The following VRK2 variants were observed in gnomAD, a reference collection of about 807,000 sequenced individuals.
The protein encoded by VRK2 is VRK serine/threonine kinase 2, also known as serine/threonine-protein kinase VRK2.
Under a neutral mutation model 57.6 loss-of-function variants are expected in VRK2, and 60 were observed. The observed-to-expected ratio is 1.04, with a 90% CI of 0.85 to 1.29. The LOEUF is 1.29. Ranked by LOEUF, VRK2 falls within the 50% of genes most tolerant of loss-of-function variation. The probability of loss-of-function intolerance (pLI) is 0.00; values close to 1 mark genes in which losing one functional copy is unlikely to be tolerated. For synonymous variants in VRK2, 231 were observed against 199.2 expected (o/e 1.16, Z -1.35); for missense variants, 705 against 588.1 (o/e 1.20, Z -2.06).
At chr2:58,112,511 A>T (rs990723775) in intron 7 of VRK2, among the ~76,000 whole-genome samples, 1 of 151,834 alleles carries the variant, frequency 6.6e-6, no homozygotes, top group Non-Finnish European at 1.5e-5. Flanking sequence ...GTAGGGGTGG[A>T]TAGAAAACTT....
chr2:58,107,533 T>C (rs1674935179), intron 7 of VRK2, among the ~76,000 whole-genome samples: 1 of 152,312 alleles, frequency 6.6e-6, no homozygotes. Context: ...TATGAGACTT[T>C]AATGGACACA....
At chr2:58,046,607 C>A (rs1373595575), upstream of VRK2, 1 of 985,610 alleles carries the variant, frequency 1.0e-6, no homozygotes, top group Non-Finnish European at 1.2e-6. Flanking sequence ...CCCCATGTAG[C>A]CGCGCCCTCT....
intron 1 of VRK2, among the ~76,000 whole-genome samples, chr2:57,975,589 C>T (rs745742038): frequency 4.6e-5 from 7 of 151,854 alleles, no homozygotes; most frequent in Admixed American, 2.0e-4. Flanking sequence ...CTACTGATCC[C>T]GTCACCCAGA....
At chr2:57,932,944 G>A (rs1477716666) in intron 1 of VRK2, among the ~76,000 whole-genome samples, 1 of 151,942 alleles carries the variant, frequency 6.6e-6, no homozygotes, top group Admixed American at 6.6e-5. Context: ...TTGTTTTCGG[G>A]AGCATGTTGT....
intron 7 of VRK2, among the ~76,000 whole-genome samples, chr2:58,119,371 T>G (rs1677058440): frequency 1.4e-5 from 2 of 143,416 alleles, no homozygotes; most frequent in Non-Finnish European, 1.5e-5. Flanking sequence ...TAGCCAGGCA[T>G]GGGGCTGAGG....
At chr2:58,136,550 A>G (rs1412780411) in intron 10 of VRK2, among the ~76,000 whole-genome samples, 1 of 151,476 alleles carries the variant, frequency 6.6e-6, no homozygotes, top group Non-Finnish European at 1.5e-5. Context: ...ATGCCCAGCT[A>G]CTTTTTGTAT....
intron 1 of VRK2, among the ~76,000 whole-genome samples, chr2:57,972,307 G>C (rs1672121189): frequency 6.6e-6 from 1 of 151,646 alleles, no homozygotes; most frequent in Admixed American, 6.6e-5. Context: ...TAACTCCAAT[G>C]TATAATTTCA....
In VRK2 at chr2:57,916,821, T is replaced by A. The variant is rs533114824; in HGVS notation, c.-439+8982T>A. 1.3e-4 allele frequency among the ~76,000 whole-genome samples: 20 copies of A among 152,310 alleles called. No individual in the cohort carries two copies. The South Asian group carries it at 3.9e-3, about 30-fold the overall frequency. On this transcript the variant is annotated intron_variant, in intron 1 of 15. Transcript: ENST00000417641. ...GAAATTGGACAGATGTAATTTCAAA[T>A]TCCAGTTTCAACTCTTTGGAAAGTC...
At chr2:57,973,146 TAA>T (rs1572922892) in intron 1 of VRK2, among the ~76,000 whole-genome samples, 2 of 151,936 alleles carry the variant, frequency 1.3e-5, no homozygotes, top group African/African-American at 2.4e-5. Context: ...CAGCAATATA[TAA>T]GAGTGCCTAT....
intron 1 of VRK2, among the ~76,000 whole-genome samples, chr2:57,921,293 C>T (rs1670338156): frequency 6.7e-6 from 1 of 149,766 alleles, no homozygotes; most frequent in Non-Finnish European, 1.5e-5. Context: ...CGCGCACACA[C>T]ACACACACAC....
At chr2:57,958,788 C>T (rs966437253) in intron 1 of VRK2, among the ~76,000 whole-genome samples, 1 of 152,018 alleles carries the variant, frequency 6.6e-6, no homozygotes, top group African/African-American at 2.4e-5. Context: ...TATCATTGGT[C>T]ACAAAGGAAA....
At chr2:57,923,352 T>C (rs1167367974) in intron 1 of VRK2, among the ~76,000 whole-genome samples, 6 of 152,100 alleles carry the variant, frequency 3.9e-5, no homozygotes, top group Non-Finnish European at 7.4e-5. Context: ...ACCAATACTG[T>C]ATGAGGGTTC....
intron 1 of VRK2, among the ~76,000 whole-genome samples, chr2:57,968,766 G>C (rs933861575): frequency 2.0e-5 from 3 of 152,086 alleles, no homozygotes; most frequent in Non-Finnish European, 4.4e-5. Context: ...ATTGATATTA[G>C]TTAAAAATCT....
chr2:58,139,479 A>T (rs994010491), intron 10 of VRK2, among the ~76,000 whole-genome samples, 187 bp from the exon 11 acceptor site: 1 of 152,126 alleles, frequency 6.6e-6, no homozygotes, highest in Non-Finnish European at 1.5e-5. Context: ...TCAATTCTGT[A>T]GGTCACTATA....
intron 7 of VRK2, among the ~76,000 whole-genome samples, chr2:58,116,719 G>A (rs977389842): frequency 5.3e-5 from 8 of 152,214 alleles, no homozygotes; most frequent in East Asian, 1.9e-4. Flanking sequence ...CAGTCAGAGA[G>A]CCTTGGGCCA....
At chr2:57,957,647 C>T (rs538210757) in intron 1 of VRK2, among the ~76,000 whole-genome samples, 1 of 138,332 alleles carries the variant, frequency 7.2e-6, no homozygotes, top group African/African-American at 2.8e-5. Flanking sequence ...TATATATATC[C>T]ATATAGATAT....
intron 1 of VRK2, among the ~76,000 whole-genome samples, chr2:57,929,744 AT>A (rs1470648803): frequency 1.1e-4 from 17 of 152,056 alleles, no homozygotes; most frequent in Admixed American, 7.2e-4. Flanking sequence ...ATTGCTGATT[AT>A]TCAGGGTCCA....
chr2:58,116,389 G>A (rs559654680), intron 7 of VRK2, among the ~76,000 whole-genome samples: 5 of 150,938 alleles, frequency 3.3e-5, no homozygotes, highest in African/African-American at 7.4e-5. Flanking sequence ...AAAATATCTC[G>A]GCCTAATAAG....
At chr2:57,915,955 G>C (rs1670133672) in intron 1 of VRK2, among the ~76,000 whole-genome samples, 1 of 152,096 alleles carries the variant, frequency 6.6e-6, no homozygotes, top group Non-Finnish European at 1.5e-5. Flanking sequence ...TGCCTGATGA[G>C]GTGAAACAGT....
Sources: gnomAD v4.1 joint callset for allele counts (sites outside exome capture counted in the v4.1 genomes callset) on GRCh38, gnomAD v4.1.1 for gene constraint, MANE v1.5 for transcripts, NCBI Gene and HGNC (gene_info 2026-07-23, HGNC 2026-07-21) for gene names.